Variants in SGCD observed in about 807,000 individuals in gnomAD.
SGCD encodes sarcoglycan delta.
In SGCD, 18 loss-of-function variants were observed where a neutral mutation model predicts 36.6. That is an observed-to-expected ratio of 0.49 (90% confidence interval 0.34 to 0.73). The LOEUF (loss-of-function observed/expected upper bound fraction) is 0.73. Among genes scored for constraint, SGCD ranks in the 30% least tolerant of loss-of-function variants. The pLI, the probability that SGCD is intolerant of heterozygous loss-of-function variation, is 0.01. For missense variants in SGCD, 387 were observed against 346.7 expected, an observed-to-expected ratio of 1.12 and a Z score of -0.92; for synonymous variants, 133 against 130.6, an observed-to-expected ratio of 1.02 and a Z score of -0.12.
intron 1 of SGCD, among the ~76,000 whole-genome samples, chr5:155,975,237 T>C (rs1758085709): frequency 6.6e-6 from 1 of 152,216 alleles, no homozygotes; most frequent in South Asian, 2.1e-4. Context: ...CACATGTGCA[T>C]TTATTGAAGG....
chr5:156,209,017 T>C (rs757417429), intron 3 of SGCD, among the ~76,000 whole-genome samples: 5 of 152,168 alleles, frequency 3.3e-5, no homozygotes, highest in Non-Finnish European at 7.4e-5. Context: ...ACCCTCCTCT[T>C]GGGGCGAGTA....
At chr5:156,444,606 C>G (rs1005086121) in intron 3 of SGCD, among the ~76,000 whole-genome samples, 4 of 152,022 alleles carry the variant, frequency 2.6e-5, no homozygotes, top group Admixed American at 2.0e-4. Flanking sequence ...TTCCACCCCC[C>G]ACCTCCAGAC....
chr5:156,236,087 T>C (rs527761230), intron 3 of SGCD, among the ~76,000 whole-genome samples: 4 of 152,298 alleles, frequency 2.6e-5, no homozygotes, highest in East Asian at 1.9e-4. Context: ...GAAAAATAAT[T>C]GAAAGAGAAA....
At chr5:156,614,674 G>T (rs979717866) in intron 6 of SGCD, among the ~76,000 whole-genome samples, 1 of 152,106 alleles carries the variant, frequency 6.6e-6, no homozygotes, top group Non-Finnish European at 1.5e-5. Flanking sequence ...TCCTACATAT[G>T]GTTTAAATAT....
intron 1 of SGCD, among the ~76,000 whole-genome samples, chr5:155,992,950 G>T (rs1380468678): frequency 6.6e-6 from 1 of 152,138 alleles, no homozygotes; most frequent in African/African-American, 2.4e-5. Flanking sequence ...CCAGAGTCAT[G>T]CTCTAGCTTC....
chr5:156,214,486 C>T lies in SGCD; in HGVS notation c.-44+90467C>T, dbSNP rs532587342. On this transcript the variant is annotated intron_variant, in intron 3 of 9. Coordinates refer to the SGCD transcript ENST00000517913. ...GCCATAAATAAATGGAAAGATATGT[C>T]GTGTTTATGGATTGGAAGAATATTG... Among the ~76,000 whole-genome samples, 34 of 151,950 alleles carry T rather than the reference C, an allele frequency of 2.2e-4. No individual in the cohort carries two copies. In the South Asian group the frequency reaches 2.9e-3, roughly 13 times the overall value.
rs987645262 is a variant in SGCD at position 156,685,382 on chromosome 5, C to G, written c.575+37846C>G. 2.0e-5 allele frequency among the ~76,000 whole-genome samples: 3 copies of G among 152,194 alleles called. No homozygotes were observed. The East Asian group carries it at 5.8e-4, about 29-fold the overall frequency. On this transcript the variant is annotated intron_variant, in intron 7 of 8. Transcript: ENST00000337851. ...GTTGTCGGTGTTGCTCTATTTTGTC[C>G]TGGATCCTTTTAGTTTCTTATGCTT...
chr5:156,706,124 G>A (rs112752357), intron 7 of SGCD, among the ~76,000 whole-genome samples: 1 of 152,028 alleles, frequency 6.6e-6, no homozygotes, highest in African/African-American at 2.4e-5. Context: ...CAAATTATGT[G>A]TATCAATAGC....
chr5:156,414,593 G>A (rs1580954673), intron 3 of SGCD, among the ~76,000 whole-genome samples: 1 of 152,206 alleles, frequency 6.6e-6, no homozygotes, highest in African/African-American at 2.4e-5. Context: ...TGGTGTGAAA[G>A]CAGCCACAGA....
At chr5:156,307,552 GTTGT>G (rs750467141) in intron 3 of SGCD, among the ~76,000 whole-genome samples, 14 of 48,444 alleles carry the variant, frequency 2.9e-4, no homozygotes, top group African/African-American at 1.3e-3. Context: ...CATTTTAACT[GTTGT>G]TTTTTTTTTT....
chr5:156,474,726 A>G (rs1304398741), intron 3 of SGCD, among the ~76,000 whole-genome samples: 1 of 152,218 alleles, frequency 6.6e-6, no homozygotes, highest in Non-Finnish European at 1.5e-5. Context: ...AGGTAGAAAA[A>G]GAACCACATA....
intron 1 of SGCD, among the ~76,000 whole-genome samples, chr5:155,950,106 T>G (rs1229601988): frequency 6.6e-6 from 1 of 152,208 alleles, no homozygotes; most frequent in Non-Finnish European, 1.5e-5. Flanking sequence ...AGAGAATCTA[T>G]TAGCTTGTGT....
chr5:156,545,039 G>A (rs916662741), intron 4 of SGCD, among the ~76,000 whole-genome samples: 4 of 152,108 alleles, frequency 2.6e-5, no homozygotes, highest in African/African-American at 9.7e-5. Context: ...TTCTTTGACT[G>A]TTCAGTGAAG....
chr5:156,139,682 C>A (rs955191246), intron 3 of SGCD, among the ~76,000 whole-genome samples: 1 of 152,096 alleles, frequency 6.6e-6, no homozygotes, highest in Admixed American at 6.5e-5. Context: ...ATGTCCTAAC[C>A]ACAGGGAAAC....
At chr5:156,263,383 G>A (rs1207440742) in intron 3 of SGCD, among the ~76,000 whole-genome samples, 2 of 151,872 alleles carry the variant, frequency 1.3e-5, no homozygotes, top group African/African-American at 4.8e-5. Flanking sequence ...ATGTTTGTTG[G>A]CCATTGTATA....
intron 1 of SGCD, among the ~76,000 whole-genome samples, chr5:156,038,794 A>G (rs1759561002): frequency 6.6e-6 from 1 of 152,208 alleles, no homozygotes; most frequent in African/African-American, 2.4e-5. Flanking sequence ...GGCGCAGAAG[A>G]ACCTACAAAG....
chr5:156,047,929 G>A (rs1466224743), intron 1 of SGCD, among the ~76,000 whole-genome samples: 6 of 151,926 alleles, frequency 3.9e-5, no homozygotes, highest in East Asian at 1.9e-4. Flanking sequence ...CCATTAACTC[G>A]TCATTTAGCA....
At chr5:156,213,801 G>A (rs1764508274) in intron 3 of SGCD, among the ~76,000 whole-genome samples, 1 of 151,964 alleles carries the variant, frequency 6.6e-6, no homozygotes, top group South Asian at 2.1e-4. Flanking sequence ...TGGGATTTAA[G>A]CATTTTTCAA....
At chr5:155,882,461 T>A (rs1755907477) in intron 1 of SGCD, among the ~76,000 whole-genome samples, 2 of 152,210 alleles carry the variant, frequency 1.3e-5, no homozygotes, top group Non-Finnish European at 2.9e-5. Flanking sequence ...ATCAGAAGAA[T>A]CACTATCCAT....
Sources: allele counts gnomAD v4.1 joint callset (sites outside exome capture counted in the v4.1 genomes callset), GRCh38; gene constraint gnomAD v4.1.1; transcripts MANE v1.5; gene names NCBI Gene and HGNC (gene_info 2026-07-23, HGNC 2026-07-21).